The following ANKDD1B variants were observed in gnomAD, a reference collection of about 807,000 sequenced individuals.
The protein encoded by ANKDD1B is ankyrin repeat and death domain-containing protein 1B.
Under a neutral mutation model 59.7 loss-of-function variants are expected in ANKDD1B, and 57 were observed. The observed-to-expected ratio is 0.95, with a 90% CI of 0.77 to 1.19. The LOEUF (loss-of-function observed/expected upper bound fraction) is 1.19, where lower values mean the gene tolerates loss of function less well. ANKDD1B is among the 50% of genes most tolerant of loss of function. The pLI is 0.00. For synonymous variants in ANKDD1B, 216 were observed against 239.5 expected, an observed-to-expected ratio of 0.90 and a Z score of 0.91; for missense variants, 602 against 641.9, an observed-to-expected ratio of 0.94 and a Z score of 0.67.
At chr5:75,623,749 G>A (rs1051773531) in intron 3 of ANKDD1B, among the ~76,000 whole-genome samples, 1 of 151,998 alleles carries the variant, frequency 6.6e-6, no homozygotes, top group African/African-American at 2.4e-5. Context: ...TATCCACTAG[G>A]TGCCAATATT....
chr5:75,621,336 G>A (rs910648477), intron 3 of ANKDD1B, among the ~76,000 whole-genome samples: 2 of 152,180 alleles, frequency 1.3e-5, no homozygotes, highest in Non-Finnish European at 2.9e-5. Context: ...TTGAGTCCAA[G>A]TTGGAAGGTA....
At chr5:75,661,414 A>AG (rs1554069983) in intron 10 of ANKDD1B, among the ~76,000 whole-genome samples, 4 of 131,422 alleles carry the variant, frequency 3.0e-5, no homozygotes, top group African/African-American at 1.1e-4. Context: ...AAAAAAAAAA[A>AG]AAAAAAAAAA....
At position 75,671,324 on chromosome 5, in the gene ANKDD1B, T is replaced by A; in HGVS notation, c.*284T>A. 4.3e-6 allele frequency: 1 copy of A among 233,080 alleles called. No individual in the cohort carries two copies. Among genetic ancestry groups the A allele is most frequent in the East Asian group, 8.2e-5 (1 of 12,244 alleles). 14.4% of individuals were successfully genotyped at this position (233,080 alleles called of 1,614,324 possible). A position where few individuals can be genotyped will look rare whatever the true frequency, so the allele number is the denominator to read the frequency against. ...ATCTAGGACGGTTTTGTATGTCATG[T>A]TTTTTTAAAAAACTCATGGGAGCAG... On this transcript the variant is annotated 3_prime_UTR_variant, in exon 14 of 14. Coordinates refer to ENST00000601380, the MANE Select transcript of ANKDD1B (RefSeq NM_001276713.2).
At chr5:75,611,998 C>T (rs1345217379) in intron 1 of ANKDD1B, among the ~76,000 whole-genome samples, 171 bp downstream of exon 1, 2 of 152,272 alleles carry the variant, frequency 1.3e-5, no homozygotes, top group Admixed American at 1.3e-4. Context: ...TCCCTGTTGG[C>T]TGGTTTTCAG....
chr5:75,666,797 T>A lies in ANKDD1B; in HGVS notation c.1197T>A (p.His399Gln), dbSNP rs1166954243. The change falls in exon 12 of 14, where the codon CAT becomes CAA. Residue 399 changes from histidine to glutamine, a missense_variant. Physicochemically the swap from His to Gln is conservative, Grantham distance 24 (BLOSUM62 0). This residue lies in a region of ANKDD1B where 280 missense variants were observed against 319.8 expected (regional missense o/e 0.88). Coordinates refer to ENST00000601380, the MANE Select transcript of ANKDD1B (RefSeq NM_001276713.2). ...AERYYAWREEHHESIRDPSTG... is the reference protein window; with the variant it reads ...AERYYAWREEQHESIRDPSTG... Reference sequence around the variant, plus strand: ...TACAATTATTTTCACTTTAGGAGCATCATGAGAGCATCAGGGACCCGTCAA... The same window carrying A: ...TACAATTATTTTCACTTTAGGAGCAACATGAGAGCATCAGGGACCCGTCAA... 5.2e-6 allele frequency: 8 copies of A among 1,533,242 alleles called. No individual in the cohort carries two copies. In the South Asian group the frequency reaches 9.5e-5, roughly 18 times the overall value. 95.0% of individuals were successfully genotyped at this position (1,533,242 alleles called of 1,614,324 possible).
intron 1 of ANKDD1B, among the ~76,000 whole-genome samples, chr5:75,616,514 A>G (rs928182629): frequency 1.1e-4 from 16 of 152,150 alleles, no homozygotes; most frequent in Non-Finnish European, 2.2e-4. Flanking sequence ...CCGCCTTCTG[A>G]CCTTCTAAGC....
intron 7 of ANKDD1B, among the ~76,000 whole-genome samples, chr5:75,650,685 A>G (rs1262776186): frequency 3.9e-5 from 6 of 152,320 alleles, no homozygotes; most frequent in Non-Finnish European, 8.8e-5. Flanking sequence ...CATGCAAGCT[A>G]GATTTCAGTT....
intron 7 of ANKDD1B, among the ~76,000 whole-genome samples, chr5:75,637,271 AAAG>A (rs1774343212): frequency 1.5e-5 from 2 of 131,514 alleles, no homozygotes; most frequent in African/African-American, 6.0e-5. Context: ...AAAAAAAAAA[AAAG>A]AAAGAAAAAA....
chr5:75,659,669 A>G (rs1775066505), intron 10 of ANKDD1B, among the ~76,000 whole-genome samples: 1 of 152,176 alleles, frequency 6.6e-6, no homozygotes, highest in South Asian at 2.1e-4. Flanking sequence ...TTAACAGTAA[A>G]AATTTCCCAC....
intron 2 of ANKDD1B, among the ~76,000 whole-genome samples, chr5:75,618,206 G>A (rs1773762707): frequency 6.6e-6 from 1 of 152,160 alleles, no homozygotes; most frequent in South Asian, 2.1e-4. Flanking sequence ...TCTCTTTGAA[G>A]GGAATATTTG....
intron 3 of ANKDD1B, among the ~76,000 whole-genome samples, chr5:75,620,883 T>G (rs570393029): frequency 1.0e-3 from 153 of 152,282 alleles, no homozygotes; most frequent in African/African-American, 3.4e-3. Context: ...TCCCCTACAT[T>G]TTCTAGCTCC....
rs144871365 is a variant in ANKDD1B, at chr5:75,614,208, TTG to T, written c.193+2385_193+2386del. On this transcript the variant is annotated intron_variant, in intron 1 of 13. Transcript: ENST00000601380. ...GTAGCAGTAGCCAGAGTGTTAGCATTTGTGTCAGTTCTCCAAGCCCCAATTCC... is the reference window on the plus strand; with the variant it reads ...GTAGCAGTAGCCAGAGTGTTAGCATTTGTCAGTTCTCCAAGCCCCAATTCC... 1.1e-3 allele frequency among the ~76,000 whole-genome samples: 164 copies of T among 152,260 alleles called. 1 individual carries two copies. The East Asian group carries it at 0.027, about 26-fold the overall frequency.
chr5:75,615,593 A>C (rs546870011), intron 1 of ANKDD1B, among the ~76,000 whole-genome samples: 4 of 152,108 alleles, frequency 2.6e-5, no homozygotes, highest in Non-Finnish European at 4.4e-5. Context: ...AGATGTTGGA[A>C]AAGTTCAATT....
chr5:75,627,187 A>C (rs1726531380), intron 5 of ANKDD1B, among the ~76,000 whole-genome samples: 1 of 152,182 alleles, frequency 6.6e-6, no homozygotes, highest in African/African-American at 2.4e-5. Flanking sequence ...CAAGCTCTTC[A>C]ATTTCTGAAA....
intron 10 of ANKDD1B, 28 bp from the exon 11 acceptor site, chr5:75,663,366 C>T: frequency 6.6e-7 from 1 of 1,512,656 alleles, no homozygotes; most frequent in East Asian, 2.5e-5. Flanking sequence ...GCCATATCAC[C>T]TGAATTTTTT....
At chr5:75,626,877 T>C (rs1317708348) in intron 5 of ANKDD1B, among the ~76,000 whole-genome samples, 1 of 152,164 alleles carries the variant, frequency 6.6e-6, no homozygotes, top group East Asian at 1.9e-4. Context: ...ATATACTTCA[T>C]GAATGGGATT....
chr5:75,653,261 C>G lies in ANKDD1B; in HGVS notation c.897+21C>G, dbSNP rs530249329. 2.0e-6 allele frequency: 3 copies of G among 1,509,920 alleles called. No individual in the cohort carries two copies. In the African/African-American group the frequency reaches 4.1e-5, roughly 21 times the overall value. 93.5% of individuals were successfully genotyped at this position (1,509,920 alleles called of 1,614,324 possible). A position where few individuals can be genotyped will look rare whatever the true frequency, so the allele number is the denominator to read the frequency against. On this transcript the variant is annotated intron_variant, in intron 8 of 13. Coordinates refer to ENST00000601380, the MANE Select transcript of ANKDD1B (RefSeq NM_001276713.2). ...TGGAAGTGAGTTTATTCCAATGACACGGGCTTTGGTCCTGGCGCCGTGAGG... is the reference window on the plus strand; with the variant it reads ...TGGAAGTGAGTTTATTCCAATGACAGGGGCTTTGGTCCTGGCGCCGTGAGG...
chr5:75,616,985 T>TA, intron 2 of ANKDD1B, 78 bp downstream of exon 2: 1 of 625,724 alleles, frequency 1.6e-6, no homozygotes, highest in Non-Finnish European at 2.7e-6. Flanking sequence ...GAAATAATAA[T>TA]AAAAATAAAA....
Position 75,618,704 on chromosome 5 carries a change from C to T in ANKDD1B, c.298-1611C>T, listed in dbSNP as rs146003202. Among the ~76,000 whole-genome samples, 167 of 152,168 alleles carry T rather than the reference C, an allele frequency of 1.1e-3. 1 individual carries two copies. The East Asian group carries it at 0.028, about 25-fold the overall frequency. On this transcript the variant is annotated intron_variant, in intron 2 of 13. Transcript: ENST00000601380. The stretch of plus-strand genomic sequence containing the variant: ...TATTTGACATAGTAGAGCAAAGCTC[C>T]AGATTTCAGACAAAGTCATAATAAC...
Sources: allele counts gnomAD v4.1 joint callset (sites outside exome capture counted in the v4.1 genomes callset), GRCh38; gene constraint gnomAD v4.1.1; regional missense constraint gnomAD v4.1.1; transcripts MANE v1.5; gene names NCBI Gene and HGNC (gene_info 2026-07-23, HGNC 2026-07-21).